Variants in TMEM178B observed in about 807,000 individuals in gnomAD.
The protein encoded by TMEM178B is transmembrane protein 178B.
In TMEM178B, 5 loss-of-function variants were observed where a neutral mutation model predicts 31.0. The observed-to-expected ratio is 0.16, with a 90% confidence interval of 0.08 to 0.34. The LOEUF is 0.34. Among genes scored for constraint, TMEM178B ranks in the 10% least tolerant of loss-of-function variants. The pLI, the probability that TMEM178B is intolerant of heterozygous loss-of-function variation, is 1.00. For missense variants in TMEM178B, 275 were observed against 400.3 expected (o/e 0.69, Z 2.67); for synonymous variants, 164 against 164.0 (o/e 1.00, Z 0.00).
At chr7:141,439,718 A>T (rs1801621911) in intron 3 of TMEM178B, among the ~76,000 whole-genome samples, 1 of 152,166 alleles carries the variant, frequency 6.6e-6, no homozygotes, top group Non-Finnish European at 1.5e-5. Flanking sequence ...AATCCAAGAA[A>T]AGCTGAGCAA....
At chr7:141,156,765 A>G (rs1796077208) in intron 1 of TMEM178B, among the ~76,000 whole-genome samples, 1 of 152,186 alleles carries the variant, frequency 6.6e-6, no homozygotes, top group South Asian at 2.1e-4. Context: ...CCTGCAGGGA[A>G]TTCCTTTGAT....
intron 2 of TMEM178B, among the ~76,000 whole-genome samples, chr7:141,423,390 T>G (rs1801250168): frequency 6.6e-6 from 1 of 152,224 alleles, no homozygotes; most frequent in Non-Finnish European, 1.5e-5. Flanking sequence ...GCAATCAATA[T>G]AAACAATTAC....
chr7:141,494,701 T>A, the TMEM178B span, among the ~76,000 whole-genome samples: 1 of 152,172 alleles, frequency 6.6e-6, no homozygotes, highest in African/African-American at 2.4e-5. Context: ...CTCAGGAGTT[T>A]GAGACCAGCC....
intron 2 of TMEM178B, among the ~76,000 whole-genome samples, chr7:141,290,494 C>T (rs1185632826): frequency 1.3e-5 from 2 of 152,228 alleles, no homozygotes; most frequent in Non-Finnish European, 2.9e-5. Context: ...AACCACTGCC[C>T]AGGTGTGAAA....
chr7:141,469,229 G>A (rs1000808283), intron 3 of TMEM178B, among the ~76,000 whole-genome samples: 13 of 152,268 alleles, frequency 8.5e-5, no homozygotes, highest in African/African-American at 2.4e-4. Context: ...AAACCTTACC[G>A]AGGACTTCTT....
chr7:141,079,273 C>T (rs574806774), intron 1 of TMEM178B, among the ~76,000 whole-genome samples: 35 of 152,134 alleles, frequency 2.3e-4, no homozygotes, highest in African/African-American at 8.2e-4. Context: ...GGTGACAGAG[C>T]GAGACTCTGT....
intron 2 of TMEM178B, among the ~76,000 whole-genome samples, chr7:141,304,524 C>A (rs1431864955): frequency 2.0e-5 from 3 of 152,190 alleles, no homozygotes; most frequent in African/African-American, 4.8e-5. Context: ...CCAGGGCTCT[C>A]ATCCACTGCT....
intron 2 of TMEM178B, among the ~76,000 whole-genome samples, chr7:141,346,563 C>T (rs73518801): frequency 0.023 from 3,450 of 152,204 alleles, 125 homozygotes; most frequent in African/African-American, 0.078. Context: ...TCCCTATTCT[C>T]ACTCCAGCCA....
At chr7:141,172,117 A>G (rs1796359041) in intron 1 of TMEM178B, among the ~76,000 whole-genome samples, 1 of 152,154 alleles carries the variant, frequency 6.6e-6, no homozygotes, top group African/African-American at 2.4e-5. Flanking sequence ...GAGATTAAAT[A>G]CCTTCCCCAA....
intron 2 of TMEM178B, among the ~76,000 whole-genome samples, chr7:141,247,642 G>A (rs774739683): frequency 1.3e-5 from 2 of 152,166 alleles, no homozygotes; most frequent in Non-Finnish European, 2.9e-5. Flanking sequence ...AGTGGAGGAT[G>A]CAGAGGAAGA....
chr7:141,456,190 G>T (rs1329055347), intron 3 of TMEM178B, among the ~76,000 whole-genome samples: 1 of 152,182 alleles, frequency 6.6e-6, no homozygotes, highest in African/African-American at 2.4e-5. Context: ...GTGGCAGCTA[G>T]TCCTAGAGCA....
intron 2 of TMEM178B, among the ~76,000 whole-genome samples, chr7:141,323,851 T>C (rs1799141923): frequency 2.0e-5 from 3 of 152,014 alleles, no homozygotes; most frequent in Admixed American, 2.0e-4. Context: ...TGGAAAGGGA[T>C]ATGAAGTATT....
At chr7:141,286,607 C>T (rs1798452241) in intron 2 of TMEM178B, among the ~76,000 whole-genome samples, 1 of 152,162 alleles carries the variant, frequency 6.6e-6, no homozygotes, top group African/African-American at 2.4e-5. Flanking sequence ...GCGAGCCTGT[C>T]CAACCTCGGG....
chr7:141,308,076 T>C (rs1375474607), intron 2 of TMEM178B, among the ~76,000 whole-genome samples: 1 of 152,196 alleles, frequency 6.6e-6, no homozygotes, highest in African/African-American at 2.4e-5. Flanking sequence ...GAGATTTGAT[T>C]TGTATCCCCT....
At chr7:141,355,409 T>C (rs1434545082) in intron 2 of TMEM178B, among the ~76,000 whole-genome samples, 1 of 152,170 alleles carries the variant, frequency 6.6e-6, no homozygotes, top group Non-Finnish European at 1.5e-5. Flanking sequence ...TCATCAGTCA[T>C]GCACCTGCCA....
rs1263165530 is a variant in TMEM178B at position 141,238,495 on chromosome 7, T to C, written c.496+25791T>C. ...CTACAACCCAGGATTCTCTAAACTT[T>C]AGAAAAAATACCTGTGCAGTTGAAC... is the stretch of plus-strand genomic sequence containing the variant. On this transcript the variant is annotated intron_variant, in intron 2 of 3. Transcript: ENST00000565468. 2.0e-5 allele frequency among the ~76,000 whole-genome samples: 3 copies of C among 152,070 alleles called. No homozygotes were observed. In the East Asian group the frequency reaches 5.8e-4, roughly 29 times the overall value.
At chr7:141,258,316 T>C (rs902605196) in intron 2 of TMEM178B, among the ~76,000 whole-genome samples, 6 of 152,122 alleles carry the variant, frequency 3.9e-5, no homozygotes, top group South Asian at 2.1e-4. Context: ...TAAAATACAC[T>C]AACACTAGCA....
Position 141,074,778 on chromosome 7 carries a change from A to G in TMEM178B, c.382+86A>G. On this transcript the variant is annotated intron_variant, in intron 1 of 3. Coordinates refer to ENST00000565468, the MANE Select transcript of TMEM178B (RefSeq NM_001195278.2). This position sits in a 1 kb window ranked among gnomAD's most constrained non-coding sequence, Gnocchi z 5.1. ...CCCTCGCGTCTCCTTCCCAGGCCAC[A>G]GGCTATCAGGTCTCTGGGTTCCAGG... 2 of 1,426,446 alleles carry G rather than the reference A, an allele frequency of 1.4e-6. No individual in the cohort carries two copies. Among genetic ancestry groups the G allele is most frequent in the South Asian group, 1.5e-5 (1 of 67,020 alleles). 88.4% of individuals were successfully genotyped at this position (1,426,446 alleles called of 1,614,324 possible).
At chr7:141,319,749 G>A (rs1340711379) in intron 2 of TMEM178B, among the ~76,000 whole-genome samples, 2 of 152,272 alleles carry the variant, frequency 1.3e-5, no homozygotes, top group East Asian at 3.9e-4. Context: ...TGTTGGCCAG[G>A]CTGGGTTTGT....
Sources: gnomAD v4.1 joint callset for allele counts (sites outside exome capture counted in the v4.1 genomes callset) on GRCh38, gnomAD v4.1.1 for gene constraint, Gnocchi (gnomAD v3.1) non-coding constraint, MANE v1.5 for transcripts, NCBI Gene and HGNC (gene_info 2026-07-23, HGNC 2026-07-21) for gene names.